PTPRK: variants seen among roughly 807,000 people sequenced by gnomAD.
PTPRK encodes protein tyrosine phosphatase receptor type K.
PTPRK carries 75 observed loss-of-function variants against 178.0 expected under a neutral mutation model. That is an observed-to-expected ratio of 0.42 (90% confidence interval 0.35 to 0.51). PTPRK has a LOEUF of 0.51. PTPRK is among the 20% of genes least tolerant of loss of function. The probability of loss-of-function intolerance (pLI) is 0.02; values close to 1 mark genes in which losing one functional copy is unlikely to be tolerated. For synonymous variants in PTPRK, 637 were observed against 620.6 expected (o/e 1.03, Z -0.39); for missense variants, 1,441 against 1,797.8 (o/e 0.80, Z 3.59).
intron 3 of PTPRK, among the ~76,000 whole-genome samples, chr6:128,249,891 G>A (rs893433877): frequency 2.6e-5 from 4 of 152,230 alleles, no homozygotes; most frequent in Admixed American, 6.5e-5. Context: ...GTTTGGCTGC[G>A]CCCCCACCCA....
rs979912532 is a variant in PTPRK, at chr6:128,376,424, A to G, written c.223+21142T>C. Among the ~76,000 whole-genome samples the G allele has an allele frequency of 3.9e-5, 6 of 152,282 alleles. No homozygotes were observed. The South Asian group carries it at 1.2e-3, about 32-fold the overall frequency. ...CAGCCATGGCTGGCATGACTGAAAC[A>G]CAGGGTACCAGGTCCCTAGGCTGCA... On this transcript the variant is annotated intron_variant, in intron 2 of 29. Coordinates refer to ENST00000368226, the MANE Select transcript of PTPRK (RefSeq NM_002844.4).
intron 7 of PTPRK, among the ~76,000 whole-genome samples, chr6:128,174,484 ATATAT>A (rs2114659369): frequency 6.6e-6 from 1 of 152,046 alleles, no homozygotes; most frequent in East Asian, 1.9e-4. Flanking sequence ...TAATGGTATA[ATATAT>A]TAAAATAACT....
intron 7 of PTPRK, among the ~76,000 whole-genome samples, chr6:128,135,078 T>TCTCACACACACACA (rs764373135): frequency 6.6e-5 from 9 of 136,382 alleles, no homozygotes; most frequent in African/African-American, 2.5e-4. Context: ...AATCATTCAA[T>TCTCACACACACACA]CACACACACA....
chr6:128,321,810 T>C (rs555936019), intron 3 of PTPRK: 4 of 715,146 alleles, frequency 5.6e-6, no homozygotes, highest in Non-Finnish European at 1.0e-5. Flanking sequence ...TTTGTGCCAA[T>C]GTCTCCAAAC....
chr6:128,132,348 G>A (rs2114466386), intron 7 of PTPRK, among the ~76,000 whole-genome samples: 1 of 152,218 alleles, frequency 6.6e-6, no homozygotes, highest in East Asian at 1.9e-4. Context: ...CTAATTTTTT[G>A]TATTTTTAGT....
intron 2 of PTPRK, among the ~76,000 whole-genome samples, chr6:128,369,073 A>G (rs961708686): frequency 1.3e-5 from 2 of 150,814 alleles, no homozygotes; most frequent in African/African-American, 4.9e-5. Context: ...AAATTCTACC[A>G]TCACTTCACA....
intron 1 of PTPRK, among the ~76,000 whole-genome samples, chr6:128,512,199 T>A (rs898334102): frequency 3.9e-5 from 6 of 152,174 alleles, no homozygotes; most frequent in African/African-American, 1.4e-4. Flanking sequence ...TCTTTAAACA[T>A]TAGTGTCTAA....
intron 3 of PTPRK, among the ~76,000 whole-genome samples, chr6:128,246,212 C>T (rs1169285335): frequency 6.6e-6 from 1 of 152,002 alleles, no homozygotes; most frequent in Non-Finnish European, 1.5e-5. Context: ...AATAAATACA[C>T]ATCATTGTTG....
chr6:128,239,268 C>T (rs17055472), intron 5 of PTPRK, among the ~76,000 whole-genome samples: 14,534 of 151,948 alleles, frequency 0.096, 1,529 homozygotes, highest in East Asian at 0.35. Context: ...ACTTACACAT[C>T]ATCTAGCTTC....
At chr6:128,502,797 A>G (rs184956951) in intron 1 of PTPRK, among the ~76,000 whole-genome samples, 375 of 152,274 alleles carry the variant, frequency 2.5e-3, no homozygotes, top group Non-Finnish European at 2.8e-3. Context: ...CTTCTCTTGT[A>G]TCTGTATGGT....
intron 3 of PTPRK, among the ~76,000 whole-genome samples, chr6:128,253,092 A>G (rs1816744107): frequency 6.6e-6 from 1 of 152,220 alleles, no homozygotes; most frequent in Admixed American, 6.5e-5. Context: ...ATATAGGCAG[A>G]CAGACAGGCA....
chr6:128,314,178 A>T (rs1163179819), intron 3 of PTPRK, among the ~76,000 whole-genome samples: 1 of 152,156 alleles, frequency 6.6e-6, no homozygotes, highest in Non-Finnish European at 1.5e-5. Flanking sequence ...GCAGTTTCTA[A>T]GACTTCTGCT....
chr6:128,481,405 C>T (rs889070704), intron 1 of PTPRK, among the ~76,000 whole-genome samples: 1 of 152,140 alleles, frequency 6.6e-6, no homozygotes, highest in African/African-American at 2.4e-5. Context: ...ATGTTTACAA[C>T]TTGCAAAACT....
chr6:128,473,404 A>AT (rs67418131), intron 1 of PTPRK, among the ~76,000 whole-genome samples: 3,903 of 90,832 alleles, frequency 0.043, 142 homozygotes, highest in Admixed American at 0.058. Flanking sequence ...TATGGTTACT[A>AT]TTTTTTTTTT....
At chr6:128,196,847 T>C (rs1322780605) in intron 6 of PTPRK, among the ~76,000 whole-genome samples, 1 of 152,166 alleles carries the variant, frequency 6.6e-6, no homozygotes, top group Non-Finnish European at 1.5e-5. Context: ...TCAAATTCCC[T>C]ATCCTTTTCC....
intron 2 of PTPRK, among the ~76,000 whole-genome samples, chr6:128,345,895 AAAATAGAAGCACTCAATCTTCGT>A (rs1414822830): frequency 6.6e-6 from 1 of 152,198 alleles, no homozygotes; most frequent in Non-Finnish European, 1.5e-5. Flanking sequence ...TCTAATCCTC[AAAATAGAAGCACTCAATCTTCGT>A]TAACTACAAA....
chr6:128,483,425 T>C (rs1046470628), intron 1 of PTPRK, among the ~76,000 whole-genome samples: 2 of 152,190 alleles, frequency 1.3e-5, no homozygotes, highest in African/African-American at 2.4e-5. Context: ...ATAAAAATAA[T>C]TTAATTCAAA....
At chr6:128,080,698 T>G (rs1010130603) in intron 10 of PTPRK, among the ~76,000 whole-genome samples, 1 of 152,050 alleles carries the variant, frequency 6.6e-6, no homozygotes, top group Admixed American at 6.6e-5. Context: ...GTTATTTAAA[T>G]TATTTTTTTA....
At chr6:128,338,401 TA>T (rs896667685) in intron 2 of PTPRK, among the ~76,000 whole-genome samples, 2 of 152,108 alleles carry the variant, frequency 1.3e-5, no homozygotes, top group African/African-American at 4.8e-5. Context: ...TACACCCAAA[TA>T]TATAGCAGTG....
Sources: gnomAD v4.1 joint callset for allele counts (sites outside exome capture counted in the v4.1 genomes callset) on GRCh38, gnomAD v4.1.1 for gene constraint, MANE v1.5 for transcripts, NCBI Gene and HGNC (gene_info 2026-07-23, HGNC 2026-07-21) for gene names.